The following STIL variants were observed in gnomAD, a reference collection of about 807,000 sequenced individuals.
STIL encodes SCL-interrupting locus protein.
In STIL, 55 loss-of-function variants were observed where a neutral mutation model predicts 110.1. The observed-to-expected ratio is 0.50, with a 90% CI of 0.40 to 0.63. STIL has a LOEUF of 0.63. Ranked by LOEUF, STIL falls within the 20% of genes least tolerant of loss-of-function variation. STIL has a pLI of 0.00. For missense variants in STIL, 1,358 were observed against 1,530.0 expected (o/e 0.89, Z 1.87); for synonymous variants, 481 against 530.0 (o/e 0.91, Z 1.27).
At position 47,304,955 on chromosome 1, in the gene STIL, G is replaced by A. The variant is rs1174908949; in HGVS notation, c.86C>T (p.Ser29Leu). The change falls in exon 3 of 17, where the codon TCA (serine) becomes TTA (leucine). Residue 29 changes from serine to leucine, a missense_variant. Coordinates refer to ENST00000371877, the MANE Select transcript of STIL (RefSeq NM_001048166.1). ...CGTTGGGTTCCAAAGTGCACATTTTGATGGAGGAAAGTGGAAAGGTACCAT... is the reference window on the plus strand; with the variant it reads ...CGTTGGGTTCCAAAGTGCACATTTTAATGGAGGAAAGTGGAAAGGTACCAT... ...SRMVPFHFPPSKCALWNPTPT... is the reference protein window; with the variant it reads ...SRMVPFHFPPLKCALWNPTPT... 2 of 1,613,938 alleles carry A rather than the reference G, an allele frequency of 1.2e-6. No homozygotes were observed. The highest frequency in any genetic ancestry group is 1.7e-6 in the Non-Finnish European group (2 of 1,179,982).
intron 14 of STIL, among the ~76,000 whole-genome samples, chr1:47,266,515 C>T (rs1382015535): frequency 6.6e-6 from 1 of 152,206 alleles, no homozygotes; most frequent in Non-Finnish European, 1.5e-5. Flanking sequence ...GCACATACCA[C>T]CACACCCAGC....
intron 2 of STIL, among the ~76,000 whole-genome samples, chr1:47,307,875 G>A (rs1452458404): frequency 3.9e-5 from 6 of 152,136 alleles, no homozygotes; most frequent in African/African-American, 9.7e-5. Flanking sequence ...CCCCCGGGGC[G>A]TACCTGTCTC....
intron 12 of STIL, among the ~76,000 whole-genome samples, chr1:47,274,393 G>C (rs1476104643): frequency 6.7e-6 from 1 of 148,598 alleles, no homozygotes; most frequent in Admixed American, 6.8e-5. Context: ...GTGCAGTGGC[G>C]TATCTCAGCT....
chr1:47,282,193 T>A (rs1156926118), intron 11 of STIL, 152 bp downstream of exon 11: 1 of 561,264 alleles, frequency 1.8e-6, no homozygotes, highest in Non-Finnish European at 3.1e-6. Flanking sequence ...AATACTTATA[T>A]CTCTATATAT....
intron 16 of STIL, among the ~76,000 whole-genome samples, chr1:47,256,798 C>T (rs1644343091): frequency 6.6e-6 from 1 of 151,854 alleles, no homozygotes; most frequent in Non-Finnish European, 1.5e-5. Context: ...AGTTCGAGAC[C>T]AGCCTGACTA....
chr1:47,263,128 A>G lies in STIL; in HGVS notation c.2616-12T>C. ...CTAGAGAAGAGCTGCTGGGAAGGAT[A>G]TATAATGTGTTAGTCATTGAGGTAC... On this transcript the variant is annotated splice_polypyrimidine_tract_variant and intron_variant, in intron 14 of 16. Coordinates refer to ENST00000371877, the MANE Select transcript of STIL (RefSeq NM_001048166.1). 1 of 1,611,710 alleles carries G rather than the reference A, an allele frequency of 6.2e-7. No individual in the cohort carries two copies. The highest frequency in any genetic ancestry group is 1.1e-5 in the South Asian group (1 of 90,948).
intron 1 of STIL, among the ~76,000 whole-genome samples, chr1:47,310,857 T>A (rs1646101653): frequency 1.3e-5 from 2 of 152,114 alleles, no homozygotes; most frequent in Non-Finnish European, 2.9e-5. Context: ...AAATCAGTGT[T>A]CTTTTTTTTT....
intron 12 of STIL, among the ~76,000 whole-genome samples, chr1:47,275,183 T>A (rs1450901504): frequency 6.6e-6 from 1 of 150,868 alleles, no homozygotes; most frequent in Non-Finnish European, 1.5e-5. Context: ...CATCTCTAAA[T>A]CATTCGTAAA....
chr1:47,295,726 T>A (rs1223821242), intron 7 of STIL, 39 bp downstream of exon 7: 1 of 1,371,422 alleles, frequency 7.3e-7, no homozygotes, highest in Admixed American at 1.7e-5. Flanking sequence ...CATTTGAACA[T>A]TTGGCTGATA....
chr1:47,271,965 T>C lies in STIL; in HGVS notation c.2383+111A>G, dbSNP rs74074054. The C allele has an allele frequency of 0.011, 12,701 of 1,146,106 alleles. 912 individuals carry two copies. In the African/African-American group the frequency reaches 0.16, roughly 15 times the overall value. 71.0% of individuals were successfully genotyped at this position (1,146,106 alleles called of 1,614,324 possible). A position where few individuals can be genotyped will look rare whatever the true frequency, so the allele number is the denominator to read the frequency against. ...AAACTTAAGTCATACTCTCATCACC[T>C]TGGTTTTGGTCCTACTGCACCATGC... On this transcript the variant is annotated intron_variant, in intron 13 of 16. Transcript: ENST00000371877.
chr1:47,265,581 G>T (rs1235547590), intron 14 of STIL, among the ~76,000 whole-genome samples: 3 of 151,832 alleles, frequency 2.0e-5, no homozygotes, highest in Non-Finnish European at 4.4e-5. Flanking sequence ...AGGAGTTGGA[G>T]ACCAGCCTGG....
chr1:47,293,523 A>G lies in STIL; in HGVS notation c.807T>C (p.His269=). 1 of 1,613,162 alleles carries G rather than the reference A, an allele frequency of 6.2e-7. No individual in the cohort carries two copies. The highest frequency in any genetic ancestry group is 2.2e-5 in the East Asian group (1 of 44,750). ...AAGCCCATACCTGAGGACTATAGAT[A>G]TGTGTAATTCCAGACAGCCAACTAA... ...LVGIWLSGIT[H]IYSPQVWACC... The change falls in exon 8 of 17, where the codon CAT becomes CAC. Residue 269 remains histidine (H), a synonymous_variant. Transcript: ENST00000371877.
chr1:47,287,779 G>A, intron 9 of STIL, 119 bp from the exon 10 acceptor site: 1 of 784,276 alleles, frequency 1.3e-6, no homozygotes, highest in South Asian at 1.5e-5. Flanking sequence ...TCTGATTTCT[G>A]TAACCCTCTT....
At position 47,254,129 on chromosome 1, in the gene STIL, C is replaced by T. The variant is rs151307863; in HGVS notation, c.3081-2207G>A. 5.9e-3 allele frequency among the ~76,000 whole-genome samples: 767 copies of T among 128,968 alleles called. 2 individuals carry two copies. Among genetic ancestry groups the T allele is most frequent in the East Asian group, 0.035 (148 of 4,218 alleles). 84.6% of individuals were successfully genotyped at this position (128,968 alleles called of 152,430 possible). A position where few individuals can be genotyped will look rare whatever the true frequency, so the allele number is the denominator to read the frequency against. Reference sequence around the variant, plus strand: ...ACAGGAGGCGGAGGTTGCAGTGAGCCGAGATTGCGTCACTGCATTCCAGCC... The same window carrying T: ...ACAGGAGGCGGAGGTTGCAGTGAGCTGAGATTGCGTCACTGCATTCCAGCC... On this transcript the variant is annotated intron_variant, in intron 16 of 16. Transcript: ENST00000371877.
At chr1:47,279,566 T>C (rs1645091589) in intron 12 of STIL, among the ~76,000 whole-genome samples, 1 of 151,604 alleles carries the variant, frequency 6.6e-6, no homozygotes, top group Non-Finnish European at 1.5e-5. Flanking sequence ...CCGTCTCTAC[T>C]AAAAATACAA....
intron 2 of STIL, 135 bp downstream of exon 2, chr1:47,310,141 T>C: frequency 1.4e-6 from 1 of 733,902 alleles, no homozygotes; most frequent in Non-Finnish European, 2.2e-6. Flanking sequence ...GTCACCCACC[T>C]AACAAGTGGT....
intron 8 of STIL, 137 bp downstream of exon 8, chr1:47,293,321 T>G: frequency 1.5e-6 from 1 of 652,716 alleles, no homozygotes; most frequent in Non-Finnish European, 2.7e-6. Context: ...AATATAAGGT[T>G]TGTTTTTTCT....
At chr1:47,272,384 C>A (rs760272500) in intron 12 of STIL, 143 bp from the exon 13 acceptor site, 164 of 794,284 alleles carry the variant, frequency 2.1e-4, no homozygotes, top group Non-Finnish European at 3.2e-4. Context: ...TAGACCATAC[C>A]ATGAAACTTA....
chr1:47,301,420 A>G (rs1233218936), intron 5 of STIL, 141 bp downstream of exon 5: 5 of 953,814 alleles, frequency 5.2e-6, no homozygotes, highest in African/African-American at 1.6e-5. Flanking sequence ...TCACAAACAC[A>G]TTTAGTTGGA....
Sources: allele counts gnomAD v4.1 joint callset (sites outside exome capture counted in the v4.1 genomes callset), GRCh38; gene constraint gnomAD v4.1.1; transcripts MANE v1.5; gene names NCBI Gene and HGNC (gene_info 2026-07-23, HGNC 2026-07-21).